The following NFAM1 variants were observed in gnomAD, a reference collection of about 807,000 sequenced individuals.
NFAM1 encodes NFAT activating protein with ITAM motif 1, also known as NFAT activation molecule 1.
In NFAM1, 17 loss-of-function variants were observed where a neutral mutation model predicts 29.0. The observed-to-expected ratio is 0.59, with a 90% confidence interval of 0.40 to 0.88. NFAM1 has a LOEUF of 0.88. NFAM1 is among the 40% of genes least tolerant of loss of function. The pLI is 0.00. For missense variants in NFAM1, 324 were observed against 344.6 expected (o/e 0.94, Z 0.47); for synonymous variants, 175 against 147.2 (o/e 1.19, Z -1.36).
upstream of NFAM1, among the ~76,000 whole-genome samples, chr22:42,436,573 G>A (rs1930946030): frequency 1.3e-5 from 2 of 152,204 alleles, no homozygotes; most frequent in Admixed American, 6.5e-5. Flanking sequence ...CCATCTGCCC[G>A]CAGGCTGCCC....
At chr22:42,436,167 G>A (rs1427384385), upstream of NFAM1, among the ~76,000 whole-genome samples, 1 of 152,190 alleles carries the variant, frequency 6.6e-6, no homozygotes, top group Non-Finnish European at 1.5e-5. Context: ...GCAGCTGAGA[G>A]GCCTCCAGCC....
At chr22:42,397,561 A>G (rs1028594957) in intron 4 of NFAM1, among the ~76,000 whole-genome samples, 7 of 152,164 alleles carry the variant, frequency 4.6e-5, no homozygotes, top group Non-Finnish European at 7.4e-5. Flanking sequence ...TTCTTCGCCA[A>G]CTTGTGCCGT....
At chr22:42,398,535 C>A (rs923297288) in intron 3 of NFAM1, among the ~76,000 whole-genome samples, 2 of 151,954 alleles carry the variant, frequency 1.3e-5, no homozygotes, top group African/African-American at 2.4e-5. Context: ...GCCTCAGCCT[C>A]CTGAGCAGCT....
chr22:42,400,854 C>T (rs1217646570), intron 3 of NFAM1, among the ~76,000 whole-genome samples: 1 of 152,168 alleles, frequency 6.6e-6, no homozygotes, highest in Non-Finnish European at 1.5e-5. Flanking sequence ...CTGAGCTGGC[C>T]GACCTGGACA....
chr22:42,411,655 G>T lies in NFAM1; in HGVS notation c.203C>A (p.Thr68Asn). 1 of 1,614,072 alleles carries T rather than the reference G, an allele frequency of 6.2e-7. No individual in the cohort carries two copies. Among genetic ancestry groups the T allele is most frequent in the Admixed American group, 1.7e-5 (1 of 60,024 alleles). The stretch of plus-strand genomic sequence containing the variant: ...CTTGAATTGGGGAGTGTATGGATAG[G>T]TGATCCTGCAGCTGAAGGAGATAGC... ...NTAISFSCRI[T>N]YPYTPQFKVF... Residue 68 changes from threonine (T) to asparagine (N), a missense_variant, in exon 2 of 6, where the codon ACC becomes AAC. Physicochemically the swap from Thr to Asn is moderately conservative, Grantham distance 65. Coordinates refer to ENST00000329021, the MANE Select transcript of NFAM1 (RefSeq NM_145912.8).
chr22:42,429,338 G>A (rs922511542), intron 1 of NFAM1, among the ~76,000 whole-genome samples: 8 of 152,338 alleles, frequency 5.3e-5, no homozygotes, highest in South Asian at 2.1e-4. Flanking sequence ...AAACTGGGCC[G>A]GGTGCGGTGG....
intron 3 of NFAM1, among the ~76,000 whole-genome samples, chr22:42,405,021 GA>G (rs1171430777): frequency 6.6e-6 from 1 of 152,122 alleles, no homozygotes; most frequent in Non-Finnish European, 1.5e-5. Context: ...TGGCACACAC[GA>G]GACACTTTGC....
chr22:42,386,722 T>A (rs890211591), intron 5 of NFAM1, among the ~76,000 whole-genome samples: 1 of 152,156 alleles, frequency 6.6e-6, no homozygotes, highest in Non-Finnish European at 1.5e-5. Context: ...ATGAGGTGGG[T>A]ACTGTTAGGT....
chr22:42,403,268 C>T (rs538046005), intron 3 of NFAM1, among the ~76,000 whole-genome samples: 2 of 152,318 alleles, frequency 1.3e-5, no homozygotes, highest in African/African-American at 4.8e-5. Context: ...TGAACGAAGG[C>T]CCAACTCTGT....
chr22:42,402,475 G>A (rs79135451), intron 3 of NFAM1, among the ~76,000 whole-genome samples: 6 of 152,142 alleles, frequency 3.9e-5, no homozygotes, highest in African/African-American at 9.7e-5. Flanking sequence ...GGAAGGGCTC[G>A]GAGGAAGGGG....
rs1928929392 is a variant in NFAM1 at position 42,381,059 on chromosome 22, A to G, written c.*4102T>C. 1 of 152,676 alleles carries G rather than the reference A, an allele frequency of 6.5e-6. No homozygotes were observed. Among genetic ancestry groups the G allele is most frequent in the South Asian group, 2.1e-4 (1 of 4,830 alleles). 9.5% of individuals were successfully genotyped at this position (152,676 alleles called of 1,614,324 possible). On this transcript the variant is annotated 3_prime_UTR_variant, in exon 6 of 6. Transcript: ENST00000329021. ...GGAGGGGCCACCGTTTACCGCACCC[A>G]CTGCAAGTTCTGGACTGGTGGTAGA...
chr22:42,395,691 G>A (rs902692380), intron 4 of NFAM1, among the ~76,000 whole-genome samples: 3 of 151,570 alleles, frequency 2.0e-5, no homozygotes, highest in African/African-American at 7.2e-5. Context: ...GACCATCCTG[G>A]CTAACATGGT....
chr22:42,437,810 G>C, the NFAM1 span, among the ~76,000 whole-genome samples: 1 of 151,870 alleles, frequency 6.6e-6, no homozygotes, highest in Admixed American at 6.5e-5. Flanking sequence ...GGGGGTTCCG[G>C]GGGGGTCCGG....
At chr22:42,387,147 G>C in intron 4 of NFAM1, 69 bp from the exon 5 acceptor site, 1 of 910,528 alleles carries the variant, frequency 1.1e-6, no homozygotes, top group Non-Finnish European at 1.7e-6. Context: ...CCAGCAGCCA[G>C]CCCCCTGCCT....
chr22:42,416,660 G>A (rs1930270064), intron 1 of NFAM1, among the ~76,000 whole-genome samples: 1 of 152,148 alleles, frequency 6.6e-6, no homozygotes, highest in African/African-American at 2.4e-5. Context: ...TGCCCCGGGG[G>A]TGCCTGCTTC....
In NFAM1 at chr22:42,395,838, G is replaced by A. The variant is rs553695275; in HGVS notation, c.663+2020C>T. ...GCAGAGCTTGCAGTGAGCCAAGATCGTGCCACTGCACTCCAGCCTGGGCGA... is the reference window on the plus strand; with the variant it reads ...GCAGAGCTTGCAGTGAGCCAAGATCATGCCACTGCACTCCAGCCTGGGCGA... On this transcript the variant is annotated intron_variant, in intron 4 of 5. Coordinates refer to ENST00000329021, the MANE Select transcript of NFAM1 (RefSeq NM_145912.8). Among the ~76,000 whole-genome samples the A allele has an allele frequency of 2.6e-4, 39 of 148,142 alleles. No individual in the cohort carries two copies. In the South Asian group the frequency reaches 3.8e-3, roughly 14 times the overall value.
intron 3 of NFAM1, among the ~76,000 whole-genome samples, chr22:42,400,320 C>T (rs373835999): frequency 9.9e-5 from 15 of 152,208 alleles, no homozygotes; most frequent in Middle Eastern, 3.4e-3. Context: ...TGGAATTGCC[C>T]GTTTAACAGA....
intron 1 of NFAM1, among the ~76,000 whole-genome samples, chr22:42,414,454 A>C (rs1930192937): frequency 6.6e-6 from 1 of 151,934 alleles, no homozygotes; most frequent in Non-Finnish European, 1.5e-5. Context: ...CCAGGGACCC[A>C]GGTGGGCTGG....
intron 4 of NFAM1, among the ~76,000 whole-genome samples, chr22:42,394,705 T>TA (rs959115005): frequency 3.9e-5 from 6 of 151,998 alleles, no homozygotes; most frequent in Admixed American, 6.5e-5. Context: ...GACTATATTT[T>TA]AAAAAAAACC....
Sources: gnomAD v4.1 joint callset for allele counts (sites outside exome capture counted in the v4.1 genomes callset) on GRCh38, gnomAD v4.1.1 for gene constraint, MANE v1.5 for transcripts, NCBI Gene and HGNC (gene_info 2026-07-23, HGNC 2026-07-21) for gene names.